The following ZDHHC16 variants were observed in gnomAD, a reference collection of about 807,000 sequenced individuals.
ZDHHC16 encodes the protein zDHHC palmitoyltransferase 16.
ZDHHC16 carries 33 observed loss-of-function variants against 54.4 expected under a neutral mutation model. The ratio of observed to expected loss-of-function variants is 0.61; its 90% CI spans 0.46 to 0.81. The LOEUF (loss-of-function observed/expected upper bound fraction) is 0.81, where lower values mean the gene tolerates loss of function less well. Among genes scored for constraint, ZDHHC16 ranks in the 30% least tolerant of loss-of-function variants. The pLI is 0.00. For missense variants in ZDHHC16, 420 were observed against 485.9 expected (o/e 0.86, Z 1.28); for synonymous variants, 185 against 182.1 (o/e 1.02, Z -0.13).
At chr10:97,452,001 G>A in intron 3 of ZDHHC16, 83 bp downstream of exon 3, 1 of 1,595,150 alleles carries the variant, frequency 6.3e-7, no homozygotes. Flanking sequence ...CCAGGTTTTG[G>A]AGGCCGGCCC....
intron 11 of ZDHHC16, 59 bp from the exon 12 acceptor site, chr10:97,456,718 G>C (rs1847282554): frequency 4.7e-6 from 6 of 1,268,900 alleles, no homozygotes; most frequent in Admixed American, 4.2e-5. Context: ...GTTAAGGAAT[G>C]ATGATTGGGA....
intron 8 of ZDHHC16, among the ~76,000 whole-genome samples, chr10:97,454,078 C>T (rs1846929200): frequency 6.6e-6 from 1 of 152,204 alleles, no homozygotes; most frequent in African/African-American, 2.4e-5. Flanking sequence ...GTCATCACCT[C>T]TCTTTGGGTC....
intron 4 of ZDHHC16, 51 bp downstream of exon 4, chr10:97,452,335 C>A (rs367890741): frequency 2.9e-4 from 465 of 1,611,958 alleles, no homozygotes; most frequent in Non-Finnish European, 3.8e-4. Context: ...GGGAGCTGGT[C>A]CCAGGAGTGG....
intron 1 of ZDHHC16, among the ~76,000 whole-genome samples, chr10:97,447,557 C>T (rs1846199964): frequency 6.6e-6 from 1 of 152,136 alleles, no homozygotes; most frequent in African/African-American, 2.4e-5. Context: ...TGTTTCCTCC[C>T]GTTCACTGAG....
intron 8 of ZDHHC16, 30 bp downstream of exon 8, chr10:97,453,876 C>T (rs1419029065): frequency 1.9e-6 from 3 of 1,613,928 alleles, no homozygotes; most frequent in East Asian, 4.5e-5. Flanking sequence ...CTGCCTCCTG[C>T]TGCTCAGGCC....
rs11189226 is a variant in ZDHHC16 at position 97,454,190 on chromosome 10, T to C, written c.738+344T>C. Among the ~76,000 whole-genome samples, 24 of 152,324 alleles carry C rather than the reference T, an allele frequency of 1.6e-4. No individual in the cohort carries two copies. The East Asian group carries it at 4.6e-3, about 29-fold the overall frequency. On this transcript the variant is annotated intron_variant, in intron 8 of 11. Transcript: ENST00000393760. ...CAGAGATCAGGCAGAGCCAGTCTGA[T>C]CATCCCTTGCTCCTGGTCCATCTGC...
At chr10:97,452,583 C>A in intron 5 of ZDHHC16, 80 bp downstream of exon 5, 1 of 1,456,090 alleles carries the variant, frequency 6.9e-7, no homozygotes, top group Non-Finnish European at 9.4e-7. Flanking sequence ...CTTGAGTTTG[C>A]TAAGACATGG....
At chr10:97,446,632 A>G (rs1350458414) in intron 1 of ZDHHC16, among the ~76,000 whole-genome samples, 1 of 152,266 alleles carries the variant, frequency 6.6e-6, no homozygotes, top group Non-Finnish European at 1.5e-5. Flanking sequence ...TAGTTAAGAT[A>G]GAGCCCAAAC....
chr10:97,446,898 T>C (rs1486396665), intron 1 of ZDHHC16, among the ~76,000 whole-genome samples: 2 of 152,220 alleles, frequency 1.3e-5, no homozygotes, highest in Admixed American at 6.5e-5. Context: ...TTTGTAGTTT[T>C]AGTAGTGACG....
intron 1 of ZDHHC16, chr10:97,448,215 T>C (rs762453065): frequency 1.3e-5 from 2 of 152,272 alleles, no homozygotes; most frequent in Admixed American, 6.5e-5. Context: ...CAGACACTTA[T>C]TTAGTGTTAC....
At chr10:97,449,912 C>T (rs574970482) in intron 1 of ZDHHC16, among the ~76,000 whole-genome samples, 112 of 125,246 alleles carry the variant, frequency 8.9e-4, no homozygotes, top group African/African-American at 3.5e-3. Flanking sequence ...TCGCCCAGGC[C>T]GGACTGCGGA....
At chr10:97,453,282 C>T (rs1235654085) in intron 6 of ZDHHC16, among the ~76,000 whole-genome samples, 2 of 152,112 alleles carry the variant, frequency 1.3e-5, no homozygotes, top group Non-Finnish European at 2.9e-5. Flanking sequence ...TTGGCAGATT[C>T]ATTTTACTGA....
chr10:97,453,884 G>A, intron 8 of ZDHHC16, 38 bp downstream of exon 8: 1 of 1,613,784 alleles, frequency 6.2e-7, no homozygotes, highest in Non-Finnish European at 8.5e-7. Context: ...TGCTGCTCAG[G>A]CCTGGGGGTA....
chr10:97,449,887 C>T (rs1462900543), intron 1 of ZDHHC16, among the ~76,000 whole-genome samples: 4 of 57,046 alleles, frequency 7.0e-5, no homozygotes, highest in African/African-American at 4.3e-4. Flanking sequence ...TTTTTTGAGA[C>T]GGAGTCTCGC....
intron 11 of ZDHHC16, 42 bp from the exon 12 acceptor site, chr10:97,456,735 A>G: frequency 6.8e-7 from 1 of 1,465,444 alleles, no homozygotes; most frequent in Non-Finnish European, 9.4e-7. Context: ...GGGAAGGACC[A>G]AGAATTCTTG....
chr10:97,456,609 A>G (rs1847259340), intron 11 of ZDHHC16, among the ~76,000 whole-genome samples, 168 bp from the exon 12 acceptor site: 1 of 152,234 alleles, frequency 6.6e-6, no homozygotes, highest in Non-Finnish European at 1.5e-5. Flanking sequence ...AAGGACCAAA[A>G]GGTACATTTG....
At chr10:97,449,270 T>A (rs1374259898) in intron 1 of ZDHHC16, among the ~76,000 whole-genome samples, 3 of 151,500 alleles carry the variant, frequency 2.0e-5, no homozygotes, top group African/African-American at 7.3e-5. Context: ...TAGTATATAA[T>A]TCGAGTTTAT....
chr10:97,457,097 C>G lies in ZDHHC16; in HGVS notation c.*206C>G, dbSNP rs371869754. ...TGGAGAAATCTTAGGACTGACATCC[C>G]TTTACTCAGGCAAACAGAAGTTCCA... On this transcript the variant is annotated 3_prime_UTR_variant, in exon 12 of 12. Coordinates refer to ENST00000393760, the MANE Select transcript of ZDHHC16 (RefSeq NM_198046.3). The G allele has an allele frequency of 6.8e-5, 24 of 353,254 alleles. No homozygotes were observed. The highest frequency in any genetic ancestry group is 5.0e-4 in the African/African-American group (24 of 47,894). 21.9% of individuals were successfully genotyped at this position (353,254 alleles called of 1,614,324 possible).
intron 1 of ZDHHC16, among the ~76,000 whole-genome samples, chr10:97,449,861 CTTTTT>C (rs35173837): frequency 1.2e-5 from 1 of 81,516 alleles, no homozygotes; most frequent in Non-Finnish European, 2.1e-5. Flanking sequence ...CCCCTTAATT[CTTTTT>C]TTTTTTTTTT....
Sources: allele counts gnomAD v4.1 joint callset (sites outside exome capture counted in the v4.1 genomes callset), GRCh38; gene constraint gnomAD v4.1.1; transcripts MANE v1.5; gene names NCBI Gene and HGNC (gene_info 2026-07-23, HGNC 2026-07-21).